ARHGAP15: variants seen among roughly 807,000 people sequenced by gnomAD.
The protein encoded by ARHGAP15 is rho GTPase-activating protein 15.
Under a neutral mutation model 63.7 loss-of-function variants are expected in ARHGAP15, and 51 were observed. The observed-to-expected ratio is 0.80, with a 90% CI of 0.64 to 1.01. The LOEUF (loss-of-function observed/expected upper bound fraction) is 1.01. Ranked by LOEUF, ARHGAP15 falls within the 50% of genes least tolerant of loss-of-function variation. ARHGAP15 has a pLI of 0.00. For synonymous variants in ARHGAP15, 191 were observed against 193.8 expected (o/e 0.99, Z 0.12); for missense variants, 560 against 564.6 (o/e 0.99, Z 0.08).
At chr2:143,469,468 C>A (rs1691409609) in intron 8 of ARHGAP15, among the ~76,000 whole-genome samples, 1 of 152,218 alleles carries the variant, frequency 6.6e-6, no homozygotes, top group South Asian at 2.1e-4. Flanking sequence ...AGTCAGGCCA[C>A]TGTGCCAACT....
At chr2:143,244,470 G>A (rs1332675009) in intron 5 of ARHGAP15, among the ~76,000 whole-genome samples, 2 of 152,184 alleles carry the variant, frequency 1.3e-5, no homozygotes, top group Non-Finnish European at 2.9e-5. Flanking sequence ...TAGGCAAGCA[G>A]GGTAGATTGA....
At chr2:143,465,629 A>G (rs540126153) in intron 8 of ARHGAP15, among the ~76,000 whole-genome samples, 1 of 152,300 alleles carries the variant, frequency 6.6e-6, no homozygotes, top group Admixed American at 6.5e-5. Flanking sequence ...GCTAATATAT[A>G]CATGCATATA....
At chr2:143,483,926 T>G (rs1184793049) in intron 8 of ARHGAP15, among the ~76,000 whole-genome samples, 2 of 152,152 alleles carry the variant, frequency 1.3e-5, no homozygotes, top group Non-Finnish European at 2.9e-5. Context: ...TGTGCTGCAT[T>G]ATAATTACAC....
chr2:143,451,580 A>G (rs1690409353), intron 8 of ARHGAP15, among the ~76,000 whole-genome samples: 1 of 151,980 alleles, frequency 6.6e-6, no homozygotes, highest in Non-Finnish European at 1.5e-5. Flanking sequence ...GAAAATCAAA[A>G]GTAGACATAT....
chr2:143,416,566 G>T (rs1688688059), intron 6 of ARHGAP15, among the ~76,000 whole-genome samples: 1 of 152,104 alleles, frequency 6.6e-6, no homozygotes, highest in South Asian at 2.1e-4. Context: ...AATTTGCTTT[G>T]GTTTGTTTTC....
chr2:143,631,225 G>C (rs1486663178), intron 12 of ARHGAP15, among the ~76,000 whole-genome samples: 1 of 152,072 alleles, frequency 6.6e-6, no homozygotes, highest in East Asian at 1.9e-4. Context: ...GTTGTTTATG[G>C]ATATTTGGGT....
At chr2:143,748,969 T>A (rs540674603) in intron 13 of ARHGAP15, among the ~76,000 whole-genome samples, 3 of 151,508 alleles carry the variant, frequency 2.0e-5, no homozygotes, top group Non-Finnish European at 4.4e-5. Context: ...AATATCTGAT[T>A]TTTTTTTTCC....
chr2:143,456,394 T>C (rs1010819248), intron 8 of ARHGAP15, among the ~76,000 whole-genome samples: 4 of 152,134 alleles, frequency 2.6e-5, no homozygotes, highest in Non-Finnish European at 5.9e-5. Flanking sequence ...TTTTGAATTT[T>C]CTATTGTGTT....
intron 10 of ARHGAP15, among the ~76,000 whole-genome samples, chr2:143,520,514 G>A (rs774140523): frequency 6.6e-6 from 1 of 152,104 alleles, no homozygotes; most frequent in African/African-American, 2.4e-5. Context: ...TCAGAGAGAA[G>A]AGCAGAGAGT....
intron 11 of ARHGAP15, among the ~76,000 whole-genome samples, chr2:143,567,571 A>G: frequency 6.6e-6 from 1 of 152,206 alleles, no homozygotes; most frequent in East Asian, 1.9e-4. Flanking sequence ...AAGATTTGGG[A>G]AGAAGAGGAG....
intron 8 of ARHGAP15, among the ~76,000 whole-genome samples, chr2:143,470,605 G>A (rs1186017249): frequency 6.7e-6 from 1 of 149,544 alleles, no homozygotes; most frequent in Non-Finnish European, 1.5e-5. Context: ...GCATGTGTGT[G>A]TATATATGTG....
At position 143,157,205 on chromosome 2, in the gene ARHGAP15, T is replaced by C. The variant is rs563447271; in HGVS notation, c.165+1550T>C. On this transcript the variant is annotated intron_variant, in intron 2 of 13. Transcript: ENST00000295095. ...ACTTTATTACATGTTGGGATGTACT[T>C]AATAACTTTCATGTGTTTATGCACT... 9.4e-4 allele frequency among the ~76,000 whole-genome samples: 143 copies of C among 152,062 alleles called. 1 individual carries two copies. The highest frequency in any genetic ancestry group is 6.8e-3 in the Middle Eastern group (2 of 294).
intron 12 of ARHGAP15, among the ~76,000 whole-genome samples, chr2:143,667,478 A>C (rs2105340282): frequency 6.7e-6 from 1 of 148,520 alleles, no homozygotes; most frequent in African/African-American, 2.5e-5. Context: ...CTAGATGACG[A>C]GTTAGTGGGT....
intron 12 of ARHGAP15, among the ~76,000 whole-genome samples, chr2:143,684,925 A>G (rs944416727): frequency 6.6e-6 from 1 of 152,210 alleles, no homozygotes; most frequent in Non-Finnish European, 1.5e-5. Flanking sequence ...GTTAAGCTGC[A>G]ACGGCAGAAT....
intron 13 of ARHGAP15, among the ~76,000 whole-genome samples, chr2:143,767,114 T>G (rs547389479): frequency 6.6e-6 from 1 of 152,344 alleles, no homozygotes; most frequent in East Asian, 1.9e-4. Context: ...TCTTTCCATA[T>G]GCTTTCCTTA....
Position 143,593,015 on chromosome 2 carries a change from T to C in ARHGAP15, c.1004-31118T>C, listed in dbSNP as rs182469420. 6.6e-5 allele frequency among the ~76,000 whole-genome samples: 10 copies of C among 152,288 alleles called. No individual in the cohort carries two copies. The East Asian group carries it at 9.7e-4, about 15-fold the overall frequency. On this transcript the variant is annotated intron_variant, in intron 11 of 13. Coordinates refer to ENST00000295095, the MANE Select transcript of ARHGAP15 (RefSeq NM_018460.4). ...CTGCTGCTTGAGAGTTTAGGTAGCA[T>C]AGGAGAGCCTGAAGAAGATGTGGGA... is the stretch of plus-strand genomic sequence containing the variant.
At chr2:143,483,236 A>G (rs972616108) in intron 8 of ARHGAP15, among the ~76,000 whole-genome samples, 1 of 152,228 alleles carries the variant, frequency 6.6e-6, no homozygotes, top group African/African-American at 2.4e-5. Context: ...TAAGAATACT[A>G]TCACCAGAAT....
chr2:143,405,899 T>A (rs1688180712), intron 6 of ARHGAP15, among the ~76,000 whole-genome samples: 1 of 151,942 alleles, frequency 6.6e-6, no homozygotes, highest in Non-Finnish European at 1.5e-5. Context: ...AGGACTTTTT[T>A]CTTTGTCCAT....
intron 6 of ARHGAP15, among the ~76,000 whole-genome samples, chr2:143,380,176 C>T (rs746132321): frequency 8.6e-5 from 13 of 152,030 alleles, no homozygotes; most frequent in African/African-American, 2.4e-4. Flanking sequence ...TAGTACTCTG[C>T]TTCTTATTAG....
Sources: allele counts gnomAD v4.1 joint callset (sites outside exome capture counted in the v4.1 genomes callset), GRCh38; gene constraint gnomAD v4.1.1; transcripts MANE v1.5; gene names NCBI Gene and HGNC (gene_info 2026-07-23, HGNC 2026-07-21).